DTNB: variants seen among roughly 807,000 people sequenced by gnomAD.
DTNB encodes the protein DTN-B.
DTNB carries 63 observed loss-of-function variants against 90.7 expected under a neutral mutation model. The ratio of observed to expected loss-of-function variants is 0.69; its 90% CI spans 0.57 to 0.86. The LOEUF is 0.86. Among genes scored for constraint, DTNB ranks in the 40% least tolerant of loss-of-function variants. The pLI, the probability that DTNB is intolerant of heterozygous loss-of-function variation, is 0.00. For synonymous variants in DTNB, 277 were observed against 286.7 expected (o/e 0.97, Z 0.34); for missense variants, 744 against 807.1 (o/e 0.92, Z 0.95).
At chr2:25,457,449 G>A (rs959274348) in intron 10 of DTNB, among the ~76,000 whole-genome samples, 5 of 152,180 alleles carry the variant, frequency 3.3e-5, no homozygotes, top group African/African-American at 9.6e-5. Flanking sequence ...TAGGCTCACC[G>A]ATTCTAGGCC....
intron 8 of DTNB, among the ~76,000 whole-genome samples, chr2:25,561,531 T>C (rs909250880): frequency 6.6e-6 from 1 of 152,224 alleles, no homozygotes; most frequent in Non-Finnish European, 1.5e-5. Flanking sequence ...AAATCTCATG[T>C]TGAAATGTGA....
chr2:25,520,495 AC>A (rs2075959908), intron 9 of DTNB, among the ~76,000 whole-genome samples: 1 of 152,250 alleles, frequency 6.6e-6, no homozygotes, highest in Non-Finnish European at 1.5e-5. Flanking sequence ...AAGAAGTGTC[AC>A]AAAAATGTGC....
chr2:25,536,393 C>T (rs1400238759), intron 8 of DTNB, among the ~76,000 whole-genome samples: 2 of 151,248 alleles, frequency 1.3e-5, no homozygotes, highest in African/African-American at 4.9e-5. Context: ...GATCACGCCA[C>T]TGCACTCCAG....
chr2:25,630,794 A>G (rs1329134915), intron 3 of DTNB, among the ~76,000 whole-genome samples: 1 of 149,704 alleles, frequency 6.7e-6, no homozygotes, highest in Non-Finnish European at 1.5e-5. Flanking sequence ...CAGTGAGCCA[A>G]GATTACACCA....
At chr2:25,582,684 G>C (rs894533432) in intron 6 of DTNB, among the ~76,000 whole-genome samples, 3 of 152,104 alleles carry the variant, frequency 2.0e-5, no homozygotes, top group African/African-American at 7.2e-5. Context: ...TGGCGGTATG[G>C]AGCTGTCATT....
chr2:25,379,232 G>A lies in DTNB; in HGVS notation c.*29+58C>T, dbSNP rs1402493383. 3.9e-6 allele frequency: 5 copies of A among 1,293,828 alleles called. No homozygotes were observed. In the Admixed American group the frequency reaches 1.6e-4, roughly 41 times the overall value. 80.1% of individuals were successfully genotyped at this position (1,293,828 alleles called of 1,614,324 possible). A position where few individuals can be genotyped will look rare whatever the true frequency, so the allele number is the denominator to read the frequency against. On this transcript the variant is annotated intron_variant, in intron 20 of 20. Transcript: ENST00000406818. ...GTGACTGCAGGAAGGGAGGGGAAGG[G>A]AAGATGCTGAGGAAGGAGGGAGGGG... is the stretch of plus-strand genomic sequence containing the variant.
chr2:25,474,890 A>G (rs1466287281), intron 10 of DTNB, among the ~76,000 whole-genome samples: 1 of 152,162 alleles, frequency 6.6e-6, no homozygotes, highest in African/African-American at 2.4e-5. Context: ...CTTTGGTGTT[A>G]CTATTGTAAT....
intron 8 of DTNB, among the ~76,000 whole-genome samples, chr2:25,543,762 T>C (rs548698601): frequency 1.3e-5 from 2 of 152,262 alleles, no homozygotes; most frequent in Non-Finnish European, 2.9e-5. Flanking sequence ...TTTATTTTCT[T>C]ATTTTATTTT....
At chr2:25,579,955 A>C (rs2061303050) in intron 7 of DTNB, among the ~76,000 whole-genome samples, 1 of 146,138 alleles carries the variant, frequency 6.8e-6, no homozygotes, top group Admixed American at 6.8e-5. Flanking sequence ...ATGATCTGAT[A>C]TGACTACTAT....
chr2:25,445,836 C>T lies in DTNB; in HGVS notation c.1257+5712G>A, dbSNP rs536918106. ...TCCTTATCTCCCGAATTATAACCTC[C>T]GGTAGTTAAATCTTAGTAGTTAGGA... On this transcript the variant is annotated intron_variant, in intron 12 of 20. Coordinates refer to ENST00000406818, the MANE Select transcript of DTNB (RefSeq NM_021907.5). Among the ~76,000 whole-genome samples the T allele has an allele frequency of 1.6e-4, 24 of 151,978 alleles. No individual in the cohort carries two copies. The South Asian group carries it at 2.9e-3, about 18-fold the overall frequency.
intron 10 of DTNB, among the ~76,000 whole-genome samples, chr2:25,477,089 C>CA (rs1405704015): frequency 6.6e-6 from 1 of 152,212 alleles, no homozygotes; most frequent in African/African-American, 2.4e-5. Flanking sequence ...TCTCTACCAG[C>CA]AAAAAGACTA....
chr2:25,499,681 T>C (rs2069984656), intron 9 of DTNB, among the ~76,000 whole-genome samples: 2 of 152,244 alleles, frequency 1.3e-5, no homozygotes, highest in Admixed American at 6.5e-5. Context: ...TTTGCTATTA[T>C]ATGTAATTAG....
chr2:25,663,787 T>G (rs2083763773), intron 1 of DTNB, among the ~76,000 whole-genome samples: 1 of 152,206 alleles, frequency 6.6e-6, no homozygotes, highest in Admixed American at 6.5e-5. Context: ...TCTACCAGTA[T>G]CTCAACAACA....
At chr2:25,389,076 G>A (rs1205881075) in intron 16 of DTNB, among the ~76,000 whole-genome samples, 1 of 152,160 alleles carries the variant, frequency 6.6e-6, no homozygotes, top group East Asian at 1.9e-4. Flanking sequence ...TTTAACTCCT[G>A]AGCTCATGCA....
chr2:25,637,923 A>T (rs544919098), intron 3 of DTNB, among the ~76,000 whole-genome samples: 1 of 152,356 alleles, frequency 6.6e-6, no homozygotes, highest in Non-Finnish European at 1.5e-5. Context: ...TGTTTATTGC[A>T]GCACTATTCA....
At chr2:25,423,591 T>C (rs1370032503) in intron 15 of DTNB, among the ~76,000 whole-genome samples, 1 of 152,200 alleles carries the variant, frequency 6.6e-6, no homozygotes, top group Admixed American at 6.5e-5. Context: ...CTTCCGACTA[T>C]TTTATGAGAG....
chr2:25,639,251 G>C, intron 2 of DTNB, 157 bp from the exon 3 acceptor site: 1 of 589,436 alleles, frequency 1.7e-6, no homozygotes, highest in Admixed American at 3.2e-5. Flanking sequence ...GGGAGAAAAG[G>C]ATAGGAAACA....
intron 10 of DTNB, among the ~76,000 whole-genome samples, chr2:25,465,283 G>T (rs1373079464): frequency 1.3e-5 from 2 of 152,094 alleles, no homozygotes; most frequent in East Asian, 3.9e-4. Flanking sequence ...GGCTGAGGCA[G>T]GAGAATGGGG....
intron 10 of DTNB, among the ~76,000 whole-genome samples, chr2:25,465,096 C>T (rs571730901): frequency 2.2e-4 from 33 of 152,206 alleles, no homozygotes; most frequent in African/African-American, 6.3e-4. Context: ...GAAACAGGGC[C>T]GGGTGCGGTG....
Sources: gnomAD v4.1 joint callset for allele counts (sites outside exome capture counted in the v4.1 genomes callset) on GRCh38, gnomAD v4.1.1 for gene constraint, MANE v1.5 for transcripts, NCBI Gene and HGNC (gene_info 2026-07-23, HGNC 2026-07-21) for gene names.